Variants in DMD observed in about 807,000 individuals in gnomAD.
DMD encodes the protein mutant dystrophin.
DMD carries 63 observed loss-of-function variants against 330.1 expected under a neutral mutation model. The ratio of observed to expected loss-of-function variants is 0.19; its 90% CI spans 0.16 to 0.24. The LOEUF (loss-of-function observed/expected upper bound fraction) is 0.24, where lower values mean the gene tolerates loss of function less well. Ranked by LOEUF, DMD falls within the 10% of genes least tolerant of loss-of-function variation. The probability of loss-of-function intolerance (pLI) is 1.00; values close to 1 mark genes in which losing one functional copy is unlikely to be tolerated. For synonymous variants in DMD, 1,223 were observed against 959.8 expected, an observed-to-expected ratio of 1.27 and a Z score of -5.07; for missense variants, 3,344 against 2,684.1, an observed-to-expected ratio of 1.25 and a Z score of -5.43.
At chrX:31,348,470 A>T in intron 61 of DMD, 86 bp downstream of exon 61, 2 of 811,424 alleles carry the variant, frequency 2.5e-6, no homozygotes, top group Non-Finnish European at 3.7e-6. Context: ...CTATAATTCA[A>T]CTCTTAATTC....
intron 64 of DMD, among the ~76,000 whole-genome samples, chrX:31,216,871 T>C (rs1451220057): frequency 8.9e-6 from 1 of 111,961 alleles, no homozygotes; most frequent in African/African-American, 3.2e-5. Flanking sequence ...AACTCCAGCC[T>C]GTACCAAATC....
At position 33,078,495 on chromosome X, in the gene DMD, TTA is replaced by T. The variant is rs199853187; in HGVS notation, c.32-58297_32-58296del. On this transcript the variant is annotated intron_variant, in intron 1 of 78. Transcript: ENST00000357033. Reference sequence around the variant, plus strand: ...TCCAAAATTTGTCACTGAGTGTATTTTACTCACTCGGTAAAAGTGGCAAATAG... The same window carrying T: ...TCCAAAATTTGTCACTGAGTGTATTTCTCACTCGGTAAAAGTGGCAAATAG... Among the ~76,000 whole-genome samples the T allele has an allele frequency of 1.4e-4, 16 of 112,185 alleles. No individual in the cohort carries two copies. The East Asian group carries it at 4.5e-3, about 31-fold the overall frequency.
intron 57 of DMD, among the ~76,000 whole-genome samples, chrX:31,483,483 T>C (rs1010380390): frequency 8.9e-6 from 1 of 112,628 alleles, no homozygotes; most frequent in African/African-American, 3.2e-5. Context: ...GAGCATCCAT[T>C]GTGAGAGACC....
intron 44 of DMD, among the ~76,000 whole-genome samples, chrX:32,199,667 G>A (rs1416797967): frequency 1.8e-5 from 2 of 108,681 alleles, no homozygotes; most frequent in African/African-American, 6.7e-5. Flanking sequence ...AGGTCGGAGT[G>A]CAGTGGTGCT....
chrX:33,322,635 G>A (rs1168014699), intron 1 of DMD, among the ~76,000 whole-genome samples: 1 of 111,443 alleles, frequency 9.0e-6, no homozygotes, highest in Non-Finnish European at 1.9e-5. Context: ...GTTACTAAGT[G>A]AATGATATTT....
At chrX:31,923,420 C>CT (rs2094720640) in intron 47 of DMD, among the ~76,000 whole-genome samples, 1 of 110,654 alleles carries the variant, frequency 9.0e-6, no homozygotes, top group Admixed American at 9.6e-5. Context: ...ACATAGTAGT[C>CT]CTTTAATAGA....
Position 31,875,202 on chromosome X carries a change from G to A in DMD, c.7084C>T (p.Pro2362Ser), listed in dbSNP as rs2093949947. ...EIYNQPNQEGPFDVKETEIAV... is the reference protein window; with the variant it reads ...EIYNQPNQEGSFDVKETEIAV... ...AAGTTCCCTACCTTAACGTCAAATG[G>A]TCCTTCTTGGTTTGGTTGGTTATAA... Residue 2362 changes from proline to serine, a missense_variant, in exon 48 of 79, where the codon CCA becomes TCA. By Grantham distance (74) the Pro-to-Ser change is moderately conservative. Coordinates refer to ENST00000357033, the MANE Select transcript of DMD (RefSeq NM_004006.3). The A allele has an allele frequency of 2.5e-6, 3 of 1,203,913 alleles. No individual in the cohort carries two copies. In the Middle Eastern group the frequency reaches 7.0e-4, roughly 279 times the overall value.
chrX:31,183,038 A>C, intron 67 of DMD, 134 bp from the exon 68 acceptor site: 4 of 579,797 alleles, frequency 6.9e-6, no homozygotes, highest in Non-Finnish European at 1.1e-5. Context: ...TTGCAAAGCT[A>C]GGCTGGCTTT....
chrX:33,061,923 TAA>T (rs1211603226), intron 1 of DMD, among the ~76,000 whole-genome samples: 6 of 111,573 alleles, frequency 5.4e-5, no homozygotes, highest in Non-Finnish European at 1.1e-4. Context: ...ATTTTAAATA[TAA>T]GTTTCCCTAT....
chrX:32,366,094 C>A (rs908752410), intron 34 of DMD, among the ~76,000 whole-genome samples: 2 of 112,283 alleles, frequency 1.8e-5, no homozygotes, highest in Non-Finnish European at 3.8e-5. Flanking sequence ...ACCACTATTT[C>A]CTAAGAGGTG....
chrX:32,597,036 G>C (rs367873658), intron 12 of DMD, among the ~76,000 whole-genome samples: 1 of 111,297 alleles, frequency 9.0e-6, no homozygotes, highest in African/African-American at 3.3e-5. Flanking sequence ...TACCATTCTC[G>C]CCCTCACAGT....
chrX:33,273,178 C>T (rs185319148), intron 1 of DMD, among the ~76,000 whole-genome samples: 10 of 112,361 alleles, frequency 8.9e-5, no homozygotes, highest in Middle Eastern at 4.6e-3. Flanking sequence ...TAACATCAAA[C>T]AGTGACCCTG....
intron 1 of DMD, among the ~76,000 whole-genome samples, chrX:33,060,837 C>CA (rs5902049): frequency 0.021 from 1,345 of 62,848 alleles, 20 homozygotes; most frequent in Middle Eastern, 0.036. Flanking sequence ...AACTTCATTT[C>CA]AAAAAAAAAA....
At chrX:31,158,696 C>T (rs1160606341) in intron 74 of DMD, among the ~76,000 whole-genome samples, 1 of 111,796 alleles carries the variant, frequency 8.9e-6, no homozygotes, top group East Asian at 2.8e-4. Context: ...GTTCTAGATT[C>T]AAAATTTTAT....
At chrX:32,850,875 A>G (rs985262691) in intron 2 of DMD, among the ~76,000 whole-genome samples, 14 of 111,775 alleles carry the variant, frequency 1.3e-4, no homozygotes, top group Non-Finnish European at 1.3e-4. Context: ...ACTGAATCAT[A>G]TGCTAGTACA....
Position 31,126,621 on chromosome X carries a change from G to A in DMD, c.11046+21C>T, listed in dbSNP as rs200158822. 10 of 1,189,756 alleles carry A rather than the reference G, an allele frequency of 8.4e-6. No homozygotes were observed. In the East Asian group the frequency reaches 2.1e-4, roughly 25 times the overall value. Reference sequence around the variant, plus strand: ...GATGAGACAGACAGAAGCCATGGCCGTGAGCCTGAATCTCACTAACCTCTC... The same window carrying A: ...GATGAGACAGACAGAAGCCATGGCCATGAGCCTGAATCTCACTAACCTCTC... On this transcript the variant is annotated intron_variant, in intron 78 of 78. Transcript: ENST00000357033.
At chrX:32,836,588 TA>T (rs2079653149) in intron 4 of DMD, among the ~76,000 whole-genome samples, 1 of 111,524 alleles carries the variant, frequency 9.0e-6, no homozygotes, top group Non-Finnish European at 1.9e-5. Flanking sequence ...GTAACATTTT[TA>T]TTTGAAAGCT....
intron 16 of DMD, among the ~76,000 whole-genome samples, chrX:32,551,188 G>C (rs2049515419): frequency 9.0e-6 from 1 of 110,692 alleles, no homozygotes; most frequent in Admixed American, 9.7e-5. Context: ...AACCAAAAAA[G>C]AAAACTTCAG....
rs948394026 is a variant in DMD at position 32,785,177 on chromosome X, C to A, written c.649+24316G>T. On this transcript the variant is annotated intron_variant, in intron 7 of 78. Coordinates refer to ENST00000357033, the MANE Select transcript of DMD (RefSeq NM_004006.3). Reference sequence around the variant, plus strand: ...ATCTTAGTCTACTCAGCCACCTGCACAAATGCTCGTGCTCTATAAAAGCAT... The same window carrying A: ...ATCTTAGTCTACTCAGCCACCTGCAAAAATGCTCGTGCTCTATAAAAGCAT... Among the ~76,000 whole-genome samples the A allele has an allele frequency of 5.7e-5, 6 of 106,161 alleles. No individual in the cohort carries two copies. In the Admixed American group the frequency reaches 6.1e-4, roughly 11 times the overall value. The allele number at this position is 106,161 out of a possible 115,157, so 92.2% of individuals were successfully genotyped here.
Sources: allele counts gnomAD v4.1 joint callset (sites outside exome capture counted in the v4.1 genomes callset), GRCh38; gene constraint gnomAD v4.1.1; transcripts MANE v1.5; gene names NCBI Gene and HGNC (gene_info 2026-07-23, HGNC 2026-07-21).